METTL15: variants seen among roughly 807,000 people sequenced by gnomAD.
METTL15 encodes 12S rRNA N(4)-cytidine methyltransferase METTL15.
Under a neutral mutation model 38.3 loss-of-function variants are expected in METTL15, and 34 were observed. The ratio of observed to expected loss-of-function variants is 0.89; its 90% CI spans 0.68 to 1.18. The LOEUF (loss-of-function observed/expected upper bound fraction) is 1.18, where lower values mean the gene tolerates loss of function less well. METTL15 is among the 50% of genes most tolerant of loss of function. METTL15 has a pLI of 0.00. For missense variants in METTL15, 438 were observed against 498.4 expected (o/e 0.88, Z 1.15); for synonymous variants, 162 against 170.9 (o/e 0.95, Z 0.41).
intron 6 of METTL15, among the ~76,000 whole-genome samples, chr11:28,320,422 T>G (rs1471969893): frequency 6.6e-6 from 1 of 151,932 alleles, no homozygotes; most frequent in African/African-American, 2.4e-5. Context: ...TAGCTGGGTG[T>G]GGTGGTGCTC....
intron 4 of METTL15, among the ~76,000 whole-genome samples, chr11:28,211,447 A>G (rs914064328): frequency 1.4e-4 from 22 of 152,120 alleles, no homozygotes; most frequent in Non-Finnish European, 4.4e-5. Flanking sequence ...CAAGATTGAA[A>G]GTGTTTTGGA....
intron 6 of METTL15, among the ~76,000 whole-genome samples, chr11:28,310,914 C>CTGG (rs1176508624): frequency 6.4e-5 from 7 of 110,128 alleles, no homozygotes; most frequent in African/African-American, 2.5e-4. Context: ...GCTGCTGCTG[C>CTGG]TGGTGGTGGT....
intron 5 of METTL15, among the ~76,000 whole-genome samples, chr11:28,378,953 G>A (rs1850352821): frequency 6.6e-6 from 1 of 151,836 alleles, no homozygotes; most frequent in Non-Finnish European, 1.5e-5. Context: ...GTCCTGGTAA[G>A]TTGTATATGT....
In METTL15 at chr11:28,445,587, A is replaced by G. The variant is rs1380449217; in HGVS notation, c.*424+21223A>G. Among the ~76,000 whole-genome samples the G allele has an allele frequency of 2.6e-5, 4 of 152,132 alleles. No individual in the cohort carries two copies. In the South Asian group the frequency reaches 8.3e-4, roughly 31 times the overall value. On this transcript the variant is annotated intron_variant and NMD_transcript_variant, in intron 6 of 7. Coordinates refer to the METTL15 transcript ENST00000532947. ...TCCCTTTAGTCTCCTTTAAACAGGAATATGTCTTGTCCTTACTTGGTTTTA... is the reference window on the plus strand; with the variant it reads ...TCCCTTTAGTCTCCTTTAAACAGGAGTATGTCTTGTCCTTACTTGGTTTTA...
intron 6 of METTL15, among the ~76,000 whole-genome samples, chr11:28,328,358 A>G (rs767120392): frequency 5.9e-5 from 9 of 152,166 alleles, no homozygotes; most frequent in Non-Finnish European, 7.4e-5. Context: ...TGATTCATGT[A>G]AGATATTATT....
intron 3 of METTL15, among the ~76,000 whole-genome samples, chr11:28,156,846 CA>C (rs1230935202): frequency 5.3e-5 from 8 of 152,164 alleles, no homozygotes; most frequent in Admixed American, 3.3e-4. Context: ...TGGATCCACC[CA>C]GGAGATAATG....
At chr11:28,128,607 G>A (rs920203838) in intron 3 of METTL15, among the ~76,000 whole-genome samples, 6 of 151,978 alleles carry the variant, frequency 3.9e-5, no homozygotes, top group South Asian at 2.1e-4. Flanking sequence ...TGAATCTTTC[G>A]CTGTGGTTTT....
At chr11:28,219,171 T>C (rs1853060550) in intron 4 of METTL15, among the ~76,000 whole-genome samples, 1 of 152,200 alleles carries the variant, frequency 6.6e-6, no homozygotes, top group Non-Finnish European at 1.5e-5. Flanking sequence ...AGAATTAGGC[T>C]GTGAGTCTGT....
chr11:28,501,020 A>G (rs975652463), intron 6 of METTL15, among the ~76,000 whole-genome samples: 3 of 152,244 alleles, frequency 2.0e-5, no homozygotes, highest in Non-Finnish European at 4.4e-5. Flanking sequence ...AAGCGGAACT[A>G]ATATACTAAA....
intron 5 of METTL15, among the ~76,000 whole-genome samples, chr11:28,405,698 T>G (rs1402699150): frequency 6.6e-6 from 1 of 152,200 alleles, no homozygotes; most frequent in African/African-American, 2.4e-5. Context: ...TTAACATCTA[T>G]GAAAATCTCG....
chr11:28,485,189 T>C (rs1403042236), intron 6 of METTL15, among the ~76,000 whole-genome samples: 1 of 151,886 alleles, frequency 6.6e-6, no homozygotes, highest in Non-Finnish European at 1.5e-5. Flanking sequence ...GTTTCAGCTG[T>C]TTATTTGAAG....
At chr11:28,383,336 T>C (rs903018238) in intron 5 of METTL15, among the ~76,000 whole-genome samples, 1 of 152,216 alleles carries the variant, frequency 6.6e-6, no homozygotes, top group Non-Finnish European at 1.5e-5. Context: ...ATGTTAAATA[T>C]GTACTTTATT....
chr11:28,426,376 A>G (rs745327458), intron 6 of METTL15, among the ~76,000 whole-genome samples: 14 of 152,082 alleles, frequency 9.2e-5, no homozygotes, highest in Non-Finnish European at 1.8e-4. Context: ...TATCTTTGCT[A>G]TTGTGAATAG....
chr11:28,150,982 C>T (rs1850064518), intron 3 of METTL15, among the ~76,000 whole-genome samples: 1 of 129,508 alleles, frequency 7.7e-6, no homozygotes, highest in Admixed American at 8.2e-5. Flanking sequence ...AGGAAATTCC[C>T]ATCTGTTCAG....
At chr11:28,317,936 C>A (rs1229695183) in intron 6 of METTL15, among the ~76,000 whole-genome samples, 1 of 152,082 alleles carries the variant, frequency 6.6e-6, no homozygotes, top group African/African-American at 2.4e-5. Flanking sequence ...AAAAACAAAA[C>A]TAAATACATA....
Position 28,468,476 on chromosome 11 carries a change from AT to A in METTL15, c.*424+44116del, listed in dbSNP as rs746869981. Among the ~76,000 whole-genome samples the A allele has an allele frequency of 9.8e-5, 15 of 152,300 alleles. No individual in the cohort carries two copies. In the East Asian group the frequency reaches 2.7e-3, roughly 27 times the overall value. ...CTAATTTAACTGGTTTATCAACTAC[AT>A]TTTGATATAATATTGTTTTAGTCTA... On this transcript the variant is annotated intron_variant and NMD_transcript_variant, in intron 6 of 7. Transcript: ENST00000532947.
downstream of METTL15, among the ~76,000 whole-genome samples, chr11:28,335,703 A>AT (rs1849894826): frequency 6.6e-6 from 1 of 152,166 alleles, no homozygotes; most frequent in Non-Finnish European, 1.5e-5. Context: ...GTTGTTAAAA[A>AT]GAGCCTGGTT....
At chr11:28,338,575 T>A (rs1849922293) in intron 3 of METTL15, among the ~76,000 whole-genome samples, 1 of 152,078 alleles carries the variant, frequency 6.6e-6, no homozygotes, top group Non-Finnish European at 1.5e-5. Context: ...GTTTACAAGG[T>A]AGTTAGTCCT....
At position 28,330,763 on chromosome 11, in the gene METTL15, A is replaced by G. The variant is rs1466487496; in HGVS notation, c.1146A>G (p.Val382=). ...TGTGGGAATTGATACACAAGAAGGT[A>G]CTTAGTCCACAAGATCAGGATGTAC... The part of the protein sequence containing the change: ...PLMWELIHKK[V]LSPQDQDVQD... Residue 382 remains valine (V), a synonymous_variant, in exon 7 of 7, where the codon GTA becomes GTG. Transcript: ENST00000407364. 70 of 1,551,698 alleles carry G rather than the reference A, an allele frequency of 4.5e-5. No homozygotes were observed. The highest frequency in any genetic ancestry group is 5.9e-5 in the Non-Finnish European group (68 of 1,146,876).
Sources: allele counts gnomAD v4.1 joint callset (sites outside exome capture counted in the v4.1 genomes callset), GRCh38; gene constraint gnomAD v4.1.1; transcripts MANE v1.5; gene names NCBI Gene and HGNC (gene_info 2026-07-23, HGNC 2026-07-21).